The following RAPGEF5 variants were observed in gnomAD, a reference collection of about 807,000 sequenced individuals.
RAPGEF5 encodes M-Ras-regulated GEF.
In RAPGEF5, 65 loss-of-function variants were observed where a neutral mutation model predicts 125.2. That is an observed-to-expected ratio of 0.52 (90% CI 0.43 to 0.64). The LOEUF (loss-of-function observed/expected upper bound fraction) is 0.64. RAPGEF5 is among the 30% of genes least tolerant of loss of function. The pLI, the probability that RAPGEF5 is intolerant of heterozygous loss-of-function variation, is 0.00. For synonymous variants in RAPGEF5, 391 were observed against 385.9 expected, an observed-to-expected ratio of 1.01 and a Z score of -0.16; for missense variants, 958 against 1,048.1, an observed-to-expected ratio of 0.91 and a Z score of 1.19.
In RAPGEF5 at chr7:22,291,214, T is replaced by C. The variant is rs75236231; in HGVS notation, c.708A>G (p.Glu236=). The change falls in exon 6 of 26, where the codon GAA becomes GAG. Residue 236 remains glutamate (E), a synonymous_variant. Transcript: ENST00000665637. ...ELSHQKIEDS[E]ESSDEILVRL... ...GCACAAGAATTTCATCACTGCTTTC[T>C]TCGGAGTCTTCAATTTTCTGATGAG... The C allele has an allele frequency of 3.7e-3, 5,753 of 1,576,096 alleles. 14 individuals carry two copies. The highest frequency in any genetic ancestry group is 4.5e-3 in the Admixed American group (245 of 54,110).
At position 22,153,022 on chromosome 7, in the gene RAPGEF5, C is replaced by A. The variant is rs147427782; in HGVS notation, c.1786+1433G>T. On this transcript the variant is annotated intron_variant, in intron 17 of 25. Transcript: ENST00000665637. ...GTGTGAAAATGGTATTTCACAGCCACCAAATAGATATTGGGTAGTGAAAGA... is the reference window on the plus strand; with the variant it reads ...GTGTGAAAATGGTATTTCACAGCCAACAAATAGATATTGGGTAGTGAAAGA... 1.8e-3 allele frequency among the ~76,000 whole-genome samples: 270 copies of A among 152,236 alleles called. 1 individual carries two copies. The highest frequency in any genetic ancestry group is 6.3e-3 in the African/African-American group (263 of 41,542).
chr7:22,340,095 G>A (rs982258425), intron 1 of RAPGEF5, among the ~76,000 whole-genome samples: 1 of 152,140 alleles, frequency 6.6e-6, no homozygotes, highest in Non-Finnish European at 1.5e-5. Context: ...CCAAACTCCT[G>A]AAAAGGGCAT....
chr7:22,301,353 C>T (rs541516891), intron 5 of RAPGEF5, among the ~76,000 whole-genome samples: 1 of 152,148 alleles, frequency 6.6e-6, no homozygotes, highest in Non-Finnish European at 1.5e-5. Context: ...TGGTGGCTCA[C>T]GCCTGTAATC....
intron 5 of RAPGEF5, among the ~76,000 whole-genome samples, chr7:22,302,193 T>C (rs779463263): frequency 2.6e-5 from 4 of 152,196 alleles, no homozygotes; most frequent in Non-Finnish European, 5.9e-5. Flanking sequence ...TGTATGAAGC[T>C]AAATTTGTGG....
At chr7:22,343,944 T>A (rs1416100332) in intron 1 of RAPGEF5, among the ~76,000 whole-genome samples, 1 of 152,040 alleles carries the variant, frequency 6.6e-6, no homozygotes, top group African/African-American at 2.4e-5. Flanking sequence ...GCTAGGCAAT[T>A]GCAGAGAAGG....
intron 11 of RAPGEF5, among the ~76,000 whole-genome samples, chr7:22,188,354 A>G (rs1313651494): frequency 6.6e-6 from 1 of 152,228 alleles, no homozygotes; most frequent in Non-Finnish European, 1.5e-5. Context: ...TGAAAATTAC[A>G]TAATTAAATA....
chr7:22,352,064 A>T (rs1784340816), intron 1 of RAPGEF5, among the ~76,000 whole-genome samples: 1 of 152,220 alleles, frequency 6.6e-6, no homozygotes, highest in Non-Finnish European at 1.5e-5. Flanking sequence ...AAAAGCTGGG[A>T]ATCACTGAAG....
In RAPGEF5 at chr7:22,357,091, C is replaced by T. The variant is rs1319049997; in HGVS notation, c.-31G>A. On this transcript the variant is annotated 5_prime_UTR_variant, in exon 1 of 26. Transcript: ENST00000665637. ...GACGGCGCTGCGGCGCCGGGGGCTC[C>T]TCTCCACCGCGCTCGCCTCCGCGCG... is the stretch of plus-strand genomic sequence containing the variant. 5 of 1,009,248 alleles carry T rather than the reference C, an allele frequency of 5.0e-6. No individual in the cohort carries two copies. Among genetic ancestry groups the T allele is most frequent in the Non-Finnish European group, 4.8e-6 (4 of 841,812 alleles). The allele number at this position is 1,009,248 out of a possible 1,614,324, so 62.5% of individuals were successfully genotyped here.
intron 18 of RAPGEF5, among the ~76,000 whole-genome samples, chr7:22,147,937 G>C (rs1783496096): frequency 6.6e-6 from 1 of 152,160 alleles, no homozygotes; most frequent in African/African-American, 2.4e-5. Context: ...TTGCATTTTA[G>C]AAGTTTTACA....
Position 22,213,064 on chromosome 7 carries a change from T to C in RAPGEF5, c.996+6802A>G, listed in dbSNP as rs190568052. Among the ~76,000 whole-genome samples the C allele has an allele frequency of 9.2e-5, 14 of 152,326 alleles. 2 individuals are homozygous for C. The highest frequency in any genetic ancestry group is 3.4e-4 in the African/African-American group (14 of 41,580). ...AAACAAACTGAGCCAGTATCAATGT[T>C]CTTGATTGAGCCTTTTAAAATAAAC... is the stretch of plus-strand genomic sequence containing the variant. On this transcript the variant is annotated intron_variant, in intron 9 of 25. Transcript: ENST00000665637.
chr7:22,215,715 A>G (rs1785621187), intron 9 of RAPGEF5, among the ~76,000 whole-genome samples: 1 of 152,214 alleles, frequency 6.6e-6, no homozygotes, highest in Non-Finnish European at 1.5e-5. Flanking sequence ...GAAGGCACAC[A>G]TATTGCAGCA....
At chr7:22,234,636 C>A (rs1181091230) in intron 7 of RAPGEF5, among the ~76,000 whole-genome samples, 1 of 152,132 alleles carries the variant, frequency 6.6e-6, no homozygotes, top group Non-Finnish European at 1.5e-5. Context: ...GATTAATTAA[C>A]AGATTCGTTA....
At chr7:22,201,186 T>C (rs1473585128) in intron 9 of RAPGEF5, among the ~76,000 whole-genome samples, 1 of 152,178 alleles carries the variant, frequency 6.6e-6, no homozygotes, top group Non-Finnish European at 1.5e-5. Context: ...AAGCTACCAA[T>C]GAGGAGCTGC....
chr7:22,205,727 A>G (rs574168262), intron 9 of RAPGEF5, among the ~76,000 whole-genome samples: 58 of 152,366 alleles, frequency 3.8e-4, no homozygotes, highest in African/African-American at 1.3e-3. Context: ...CCTTCACTGC[A>G]GAGATTTGGG....
intron 8 of RAPGEF5, among the ~76,000 whole-genome samples, chr7:22,221,048 T>G (rs989657030): frequency 6.6e-6 from 1 of 152,198 alleles, no homozygotes; most frequent in African/African-American, 2.4e-5. Flanking sequence ...AAATCTTTGT[T>G]CCCAGGGGCA....
intron 1 of RAPGEF5, among the ~76,000 whole-genome samples, chr7:22,347,059 C>A (rs1784236708): frequency 6.6e-6 from 1 of 151,818 alleles, no homozygotes; most frequent in Non-Finnish European, 1.5e-5. Context: ...TTTTGCTCTC[C>A]TAAAAAAAGC....
At chr7:22,132,622 G>T (rs968080973) in intron 23 of RAPGEF5, among the ~76,000 whole-genome samples, 1 of 152,148 alleles carries the variant, frequency 6.6e-6, no homozygotes, top group Non-Finnish European at 1.5e-5. Context: ...ACCACCTGAA[G>T]GTCTGGCCTC....
intron 24 of RAPGEF5, among the ~76,000 whole-genome samples, chr7:22,128,639 G>A (rs1284377109): frequency 1.3e-5 from 2 of 152,090 alleles, no homozygotes; most frequent in East Asian, 3.9e-4. Context: ...TGCTATATAT[G>A]ACATAAAACT....
At position 22,151,910 on chromosome 7, in the gene RAPGEF5, T is replaced by C. The variant is rs564102110; in HGVS notation, c.1787-1406A>G. On this transcript the variant is annotated intron_variant, in intron 17 of 25. Coordinates refer to ENST00000665637, the MANE Select transcript of RAPGEF5 (RefSeq NM_012294.5). ...TCTTGTTGCAAATTGTTCCTATCCT[T>C]TGACCATTTTCTACCACAATTGGAG... Among the ~76,000 whole-genome samples the C allele has an allele frequency of 5.3e-5, 8 of 152,338 alleles. No homozygotes were observed. In the East Asian group the frequency reaches 1.5e-3, roughly 29 times the overall value.
Sources: allele counts gnomAD v4.1 joint callset (sites outside exome capture counted in the v4.1 genomes callset), GRCh38; gene constraint gnomAD v4.1.1; transcripts MANE v1.5; gene names NCBI Gene and HGNC (gene_info 2026-07-23, HGNC 2026-07-21).